Variants in IKZF2 observed in about 807,000 individuals in gnomAD.
IKZF2 encodes IKAROS family zinc finger 2, also known as zinc finger protein Helios.
In IKZF2, 15 loss-of-function variants were observed where a neutral mutation model predicts 49.2. The observed-to-expected ratio is 0.30, with a 90% CI of 0.20 to 0.47. The LOEUF is 0.47. Among genes scored for constraint, IKZF2 ranks in the 20% least tolerant of loss-of-function variants. The pLI is 1.00. For synonymous variants in IKZF2, 227 were observed against 221.4 expected (o/e 1.03, Z -0.23); for missense variants, 567 against 664.6 (o/e 0.85, Z 1.61).
chr2:213,015,566 A>C (rs1440546402), intron 7 of IKZF2, among the ~76,000 whole-genome samples: 1 of 152,078 alleles, frequency 6.6e-6, no homozygotes, highest in African/African-American at 2.4e-5. Context: ...ACGTAAGGGG[A>C]GTCAGAAGAA....
intron 4 of IKZF2, chr2:213,081,264 A>G (rs1002333223): frequency 3.2e-5 from 5 of 154,546 alleles, no homozygotes; most frequent in Non-Finnish European, 7.3e-5. Flanking sequence ...TAGCCAGAAC[A>G]GAAGAAAAAA....
intron 4 of IKZF2, among the ~76,000 whole-genome samples, chr2:213,094,612 G>C (rs576119598): frequency 2.6e-5 from 4 of 152,066 alleles, no homozygotes; most frequent in Non-Finnish European, 5.9e-5. Context: ...TATTAAGCAG[G>C]GTACCCACAA....
At chr2:213,031,308 C>T (rs1037632926) in intron 6 of IKZF2, among the ~76,000 whole-genome samples, 1 of 152,060 alleles carries the variant, frequency 6.6e-6, no homozygotes, top group Non-Finnish European at 1.5e-5. Flanking sequence ...CATTATTAAC[C>T]ATCCAAATAT....
intron 6 of IKZF2, among the ~76,000 whole-genome samples, chr2:213,029,123 A>AT (rs1027233965): frequency 6.6e-6 from 1 of 151,892 alleles, no homozygotes; most frequent in Admixed American, 6.6e-5. Flanking sequence ...GTTATGCAGT[A>AT]TTTTTTTCTT....
intron 6 of IKZF2, among the ~76,000 whole-genome samples, chr2:213,024,124 C>G (rs1697533789): frequency 1.3e-5 from 2 of 152,128 alleles, no homozygotes; most frequent in Admixed American, 6.6e-5. Context: ...TCACTCCTTC[C>G]TCTTCATCCC....
chr2:213,072,140 C>G (rs1702773217), intron 4 of IKZF2, among the ~76,000 whole-genome samples: 1 of 152,072 alleles, frequency 6.6e-6, no homozygotes, highest in Non-Finnish European at 1.5e-5. Context: ...TGTTTTGAAA[C>G]AGTGAATTCT....
At chr2:213,018,472 C>T (rs948157960) in intron 7 of IKZF2, among the ~76,000 whole-genome samples, 4 of 151,952 alleles carry the variant, frequency 2.6e-5, no homozygotes, top group Non-Finnish European at 4.4e-5. Flanking sequence ...CTGCAGTTGC[C>T]TCTTCATCTT....
chr2:213,030,781 C>CA lies in IKZF2; in HGVS notation c.575-8652dup, dbSNP rs200332531. Reference sequence around the variant, plus strand: ...CACTGCATTATGACAATAAAAGAGGCAAAAAAAAAGCCAGCATTAGTACTA... The same window carrying CA: ...CACTGCATTATGACAATAAAAGAGGCAAAAAAAAAAGCCAGCATTAGTACTA... On this transcript the variant is annotated intron_variant, in intron 6 of 8. Transcript: ENST00000434687. 3.8e-3 allele frequency among the ~76,000 whole-genome samples: 528 copies of CA among 140,556 alleles called. 2 individuals carry two copies. The highest frequency in any genetic ancestry group is 0.011 in the African/African-American group (433 of 38,304). The allele number at this position is 140,556 out of a possible 152,430, so 92.2% of individuals were successfully genotyped here.
intron 7 of IKZF2, chr2:213,021,685 C>A (rs540293025): frequency 1.3e-4 from 59 of 464,738 alleles, no homozygotes; most frequent in African/African-American, 1.1e-3. Flanking sequence ...TTCTTTTAGG[C>A]AGCCTACAGA....
chr2:213,051,582 T>G (rs1449952020), intron 5 of IKZF2, among the ~76,000 whole-genome samples: 1 of 151,908 alleles, frequency 6.6e-6, no homozygotes, highest in Non-Finnish European at 1.5e-5. Context: ...TGGCAGATCT[T>G]TTTTACTTTT....
chr2:213,113,850 G>A (rs1056086054), intron 4 of IKZF2, among the ~76,000 whole-genome samples: 21 of 152,026 alleles, frequency 1.4e-4, no homozygotes, highest in Admixed American at 1.2e-3. Flanking sequence ...AGCAAGGAGG[G>A]GCAAGGATAC....
chr2:213,072,295 TG>T (rs1414784614), intron 4 of IKZF2, among the ~76,000 whole-genome samples: 14 of 120,206 alleles, frequency 1.2e-4, no homozygotes, highest in African/African-American at 2.6e-4. Flanking sequence ...TCCTTTCCTT[TG>T]TTTTTTTTTT....
At chr2:213,056,750 TAA>T in intron 5 of IKZF2, 81 bp downstream of exon 5, 2 of 1,548,764 alleles carry the variant, frequency 1.3e-6, no homozygotes, top group Non-Finnish European at 1.8e-6. Context: ...CACCCCTGAA[TAA>T]AAAGGAAAGA....
chr2:213,050,216 T>C (rs1700548372), intron 5 of IKZF2, among the ~76,000 whole-genome samples: 1 of 152,196 alleles, frequency 6.6e-6, no homozygotes, highest in Admixed American at 6.6e-5. Flanking sequence ...CCATAGAATA[T>C]TTCAATCCTT....
At chr2:213,144,851 C>G (rs1047457539) in intron 4 of IKZF2, among the ~76,000 whole-genome samples, 3 of 151,856 alleles carry the variant, frequency 2.0e-5, no homozygotes, top group Non-Finnish European at 2.9e-5. Context: ...ATCACTAATA[C>G]CTCTTACTTC....
intron 4 of IKZF2, among the ~76,000 whole-genome samples, chr2:213,129,161 A>T (rs1243382305): frequency 6.6e-6 from 1 of 151,908 alleles, no homozygotes; most frequent in African/African-American, 2.4e-5. Flanking sequence ...TGTCTATTAC[A>T]TTCCTGGCCC....
chr2:213,020,396 A>C (rs1016869024), intron 7 of IKZF2, among the ~76,000 whole-genome samples: 1 of 152,124 alleles, frequency 6.6e-6, no homozygotes, highest in Non-Finnish European at 1.5e-5. Context: ...GTCACATTTA[A>C]TCCTCAAACC....
At chr2:213,114,819 C>T (rs1289152517) in intron 4 of IKZF2, among the ~76,000 whole-genome samples, 7 of 151,788 alleles carry the variant, frequency 4.6e-5, no homozygotes, top group Non-Finnish European at 1.0e-4. Flanking sequence ...GTAGTCCCAG[C>T]TACTCAGGAG....
At chr2:213,102,383 A>G (rs1337994780) in intron 4 of IKZF2, among the ~76,000 whole-genome samples, 1 of 152,148 alleles carries the variant, frequency 6.6e-6, no homozygotes, top group Non-Finnish European at 1.5e-5. Flanking sequence ...GATAATTTTC[A>G]AAACTGAATT....
Sources: allele counts gnomAD v4.1 joint callset (sites outside exome capture counted in the v4.1 genomes callset), GRCh38; gene constraint gnomAD v4.1.1; transcripts MANE v1.5; gene names NCBI Gene and HGNC (gene_info 2026-07-23, HGNC 2026-07-21).